The following LRP1B variants were observed in gnomAD, a reference collection of about 807,000 sequenced individuals.
The protein encoded by LRP1B is low-density lipoprotein receptor-related protein 1B.
In LRP1B, 217 loss-of-function variants were observed where a neutral mutation model predicts 556.6. The ratio of observed to expected loss-of-function variants is 0.39; its 90% CI spans 0.35 to 0.44. The LOEUF is 0.44. Ranked by LOEUF, LRP1B falls within the 20% of genes least tolerant of loss-of-function variation. The pLI is 1.00. For missense variants in LRP1B, 5,053 were observed against 5,620.8 expected, an observed-to-expected ratio of 0.90 and a Z score of 3.23; for synonymous variants, 2,047 against 1,865.8, an observed-to-expected ratio of 1.10 and a Z score of -2.50.
chr2:140,863,750 C>T (rs1339257660), intron 27 of LRP1B, among the ~76,000 whole-genome samples: 1 of 152,112 alleles, frequency 6.6e-6, no homozygotes, highest in Non-Finnish European at 1.5e-5. Flanking sequence ...TTTAGTACCA[C>T]ACCCTGCTAC....
chr2:140,571,629 AT>A (rs70988407), intron 43 of LRP1B, among the ~76,000 whole-genome samples: 150,050 of 151,784 alleles, frequency 0.99, 74,193 homozygotes, highest in Middle Eastern at 1. Context: ...TACCAATGAC[AT>A]TTTTTTACAG....
At chr2:140,982,107 G>T in intron 18 of LRP1B, 53 bp downstream of exon 18, 1 of 1,367,766 alleles carries the variant, frequency 7.3e-7, no homozygotes, top group Non-Finnish European at 1.0e-6. Flanking sequence ...GTAGTGGTAG[G>T]GTATCCTATC....
At chr2:140,488,935 G>A (rs536782889) in intron 57 of LRP1B, among the ~76,000 whole-genome samples, 1 of 151,972 alleles carries the variant, frequency 6.6e-6, no homozygotes, top group East Asian at 1.9e-4. Context: ...TAAATCTCAG[G>A]TCTGAGTTTA....
At chr2:140,891,112 AGAGAT>A (rs143616210) in intron 23 of LRP1B, among the ~76,000 whole-genome samples, 217 of 152,276 alleles carry the variant, frequency 1.4e-3, no homozygotes, top group Non-Finnish European at 2.4e-3. Context: ...GCATATTATA[AGAGAT>A]GAGATATGTA....
intron 43 of LRP1B, among the ~76,000 whole-genome samples, chr2:140,582,732 C>A (rs1336448127): frequency 6.6e-6 from 1 of 152,140 alleles, no homozygotes; most frequent in African/African-American, 2.4e-5. Context: ...TTCTCAGCCT[C>A]CAGAACTGTG....
At chr2:141,315,002 G>A (rs1014714426) in intron 3 of LRP1B, among the ~76,000 whole-genome samples, 3 of 148,796 alleles carry the variant, frequency 2.0e-5, no homozygotes, top group Non-Finnish European at 4.4e-5. Flanking sequence ...ACATATTCTC[G>A]AATGAAAAAG....
chr2:140,871,944 A>C (rs1693142913), intron 25 of LRP1B, among the ~76,000 whole-genome samples: 2 of 152,064 alleles, frequency 1.3e-5, no homozygotes, highest in Admixed American at 1.3e-4. Context: ...GTTAGAAGCC[A>C]GCTGAATTAA....
At chr2:141,555,174 TG>T (rs1685916731) in intron 2 of LRP1B, among the ~76,000 whole-genome samples, 1 of 151,926 alleles carries the variant, frequency 6.6e-6, no homozygotes, top group African/African-American at 2.4e-5. Context: ...AGGAAATATA[TG>T]TAAACAAATA....
intron 38 of LRP1B, 26 bp downstream of exon 38, chr2:140,702,401 A>C: frequency 2.5e-6 from 4 of 1,612,258 alleles, no homozygotes; most frequent in Non-Finnish European, 3.4e-6. Context: ...AAGGCACTTT[A>C]AATACTGAAA....
chr2:142,085,535 AAATTGAGTAT>A (rs1705884765), intron 1 of LRP1B, among the ~76,000 whole-genome samples: 1 of 152,202 alleles, frequency 6.6e-6, no homozygotes, highest in Non-Finnish European at 1.5e-5. Flanking sequence ...CTTAAGGCAC[AAATTGAGTAT>A]ATTCCATTTT....
chr2:141,569,610 A>C (rs546792486), intron 2 of LRP1B, among the ~76,000 whole-genome samples: 1 of 151,218 alleles, frequency 6.6e-6, no homozygotes, highest in Admixed American at 6.6e-5. Context: ...GAAATGTTTT[A>C]AGCAACATTA....
At chr2:142,066,414 A>G (rs1705110252) in intron 1 of LRP1B, among the ~76,000 whole-genome samples, 2 of 151,656 alleles carry the variant, frequency 1.3e-5, no homozygotes, top group South Asian at 2.1e-4. Context: ...TTCATCGCTT[A>G]TAAGTTCTGC....
At chr2:140,713,097 T>A (rs574067744) in intron 37 of LRP1B, among the ~76,000 whole-genome samples, 148 of 152,214 alleles carry the variant, frequency 9.7e-4, no homozygotes, top group Admixed American at 1.6e-3. Context: ...TTGGAATAAG[T>A]AAGAAGTGAC....
intron 32 of LRP1B, among the ~76,000 whole-genome samples, chr2:140,809,077 GACCAA>G (rs1466087465): frequency 6.6e-6 from 1 of 151,706 alleles, no homozygotes; most frequent in Non-Finnish European, 1.5e-5. Flanking sequence ...TATAAATGAT[GACCAA>G]ACCAGAGGTG....
chr2:141,171,842 C>A (rs1680513558), intron 7 of LRP1B, among the ~76,000 whole-genome samples: 1 of 152,000 alleles, frequency 6.6e-6, no homozygotes. Context: ...TTGCGTGGAT[C>A]AATGTGGAAG....
chr2:140,594,100 C>T (rs1052684148), intron 43 of LRP1B, among the ~76,000 whole-genome samples: 1 of 151,992 alleles, frequency 6.6e-6, no homozygotes, highest in Non-Finnish European at 1.5e-5. Context: ...GCCTCAGCCT[C>T]CCGAGTAGCT....
chr2:141,567,219 G>A (rs1686363923), intron 2 of LRP1B, among the ~76,000 whole-genome samples: 1 of 152,010 alleles, frequency 6.6e-6, no homozygotes, highest in Non-Finnish European at 1.5e-5. Flanking sequence ...ATAAGACCAT[G>A]TTTCTAATTA....
chr2:142,098,599 C>T (rs987832847), intron 1 of LRP1B, among the ~76,000 whole-genome samples: 1 of 151,660 alleles, frequency 6.6e-6, no homozygotes, highest in Non-Finnish European at 1.5e-5. Context: ...TAAATAAAAT[C>T]TGAATTCTAC....
intron 3 of LRP1B, among the ~76,000 whole-genome samples, chr2:141,364,095 T>C (rs1375750473): frequency 6.6e-6 from 1 of 152,192 alleles, no homozygotes; most frequent in Non-Finnish European, 1.5e-5. Context: ...AGTACTCTTC[T>C]GTATGTTATA....
Sources: allele counts gnomAD v4.1 joint callset (sites outside exome capture counted in the v4.1 genomes callset), GRCh38; gene constraint gnomAD v4.1.1; transcripts MANE v1.5; gene names NCBI Gene and HGNC (gene_info 2026-07-23, HGNC 2026-07-21).